Variants in OTOG observed in about 807,000 individuals in gnomAD.
OTOG encodes the protein otogelin.
Under a neutral mutation model 313.8 loss-of-function variants are expected in OTOG, and 296 were observed. The ratio of observed to expected loss-of-function variants is 0.94; its 90% confidence interval spans 0.86 to 1.04. The LOEUF is 1.04. OTOG is among the 50% of genes least tolerant of loss of function. The probability of loss-of-function intolerance (pLI) is 0.00; values close to 1 mark genes in which losing one functional copy is unlikely to be tolerated. For missense variants in OTOG, 3,948 were observed against 3,840.1 expected (o/e 1.03, Z -0.74); for synonymous variants, 1,533 against 1,554.9 (o/e 0.99, Z 0.33).
intron 47 of OTOG, 26 bp downstream of exon 47, chr11:17,635,737 G>A (rs1854249906): frequency 6.5e-7 from 1 of 1,532,212 alleles, no homozygotes; most frequent in Non-Finnish European, 8.8e-7. Flanking sequence ...GCACATGGCG[G>A]GCTGCGGCAG....
At chr11:17,599,259 G>T (rs1853186599) in intron 30 of OTOG, among the ~76,000 whole-genome samples, 1 of 152,152 alleles carries the variant, frequency 6.6e-6, no homozygotes, top group Middle Eastern at 3.2e-3. Flanking sequence ...CCCACCGAAG[G>T]CTCTTGGAAG....
At chr11:17,630,903 C>T (rs1398034979) in intron 40 of OTOG, among the ~76,000 whole-genome samples, 2 of 152,198 alleles carry the variant, frequency 1.3e-5, no homozygotes, top group African/African-American at 4.8e-5. Context: ...CCCTTGCCCC[C>T]ATCTCAGTGC....
At chr11:17,639,589 C>T in intron 49 of OTOG, 126 bp downstream of exon 49, 1 of 980,738 alleles carries the variant, frequency 1.0e-6, no homozygotes, top group East Asian at 2.6e-5. Flanking sequence ...AGTCAGCATT[C>T]TTTTCCCAAG....
chr11:17,557,942 CCT>C (rs909930355), intron 8 of OTOG, among the ~76,000 whole-genome samples: 2 of 152,124 alleles, frequency 1.3e-5, no homozygotes, highest in African/African-American at 2.4e-5. Flanking sequence ...TGCTGCATCC[CCT>C]GAGTTTGGAG....
In OTOG at chr11:17,557,288, A is replaced by G; in HGVS notation, c.830A>G (p.Asn277Ser). The G allele has an allele frequency of 3.2e-6, 5 of 1,550,150 alleles. No homozygotes were observed. Among genetic ancestry groups the G allele is most frequent in the Non-Finnish European group, 2.6e-6 (3 of 1,146,790 alleles). ...GWTHGLCGNNNADPKDDLVTS... is the reference protein window; with the variant it reads ...GWTHGLCGNNSADPKDDLVTS... ...ACCCATGGGCTGTGTGGGAACAACA[A>G]TGCTGACCCCAAGGATGATCTGGTG... Residue 277 changes from asparagine to serine, a missense_variant, in exon 8 of 56, where the codon AAT becomes AGT. By Grantham distance (46) the Asn-to-Ser change is conservative. Coordinates refer to ENST00000399397, the MANE Select transcript of OTOG (RefSeq NM_001292063.2).
intron 17 of OTOG, among the ~76,000 whole-genome samples, chr11:17,571,648 G>T (rs1009625578): frequency 6.6e-6 from 1 of 152,108 alleles, no homozygotes; most frequent in Non-Finnish European, 1.5e-5. Flanking sequence ...TTCTTTTTCT[G>T]ACCTGAAGAG....
chr11:17,599,585 G>T (rs1853194810), intron 30 of OTOG, 86 bp from the exon 31 acceptor site: 1 of 1,450,092 alleles, frequency 6.9e-7, no homozygotes, highest in Admixed American at 2.0e-5. Context: ...GAAGAAGGGA[G>T]GCTGGGATGC....
At chr11:17,632,042 A>G in intron 41 of OTOG, 46 bp from the exon 42 acceptor site, 3 of 1,544,824 alleles carry the variant, frequency 1.9e-6, no homozygotes, top group Non-Finnish European at 1.8e-6. Context: ...GGGCACTGGG[A>G]TATGTGCCAT....
chr11:17,597,123 C>T, intron 30 of OTOG, 116 bp downstream of exon 30: 1 of 1,306,120 alleles, frequency 7.7e-7, no homozygotes, highest in Non-Finnish European at 1.0e-6. Flanking sequence ...GTACCAAGCA[C>T]CAACTGCTTT....
intron 36 of OTOG, 118 bp downstream of exon 36, chr11:17,611,541 C>G: frequency 8.8e-7 from 1 of 1,138,594 alleles, no homozygotes; most frequent in Non-Finnish European, 1.2e-6. Context: ...GCTCCTGGTC[C>G]CTGAAAAATT....
At chr11:17,645,719 T>C in intron 55 of OTOG, 25 bp from the exon 56 acceptor site, 1 of 1,550,762 alleles carries the variant, frequency 6.4e-7, no homozygotes, top group South Asian at 1.2e-5. Flanking sequence ...CACCACAGAC[T>C]GCCTCACTGG....
chr11:17,626,727 C>T (rs569615152), intron 39 of OTOG, among the ~76,000 whole-genome samples: 1 of 152,182 alleles, frequency 6.6e-6, no homozygotes, highest in African/African-American at 2.4e-5. Flanking sequence ...TACATTTTAA[C>T]AACATTGATT....
intron 24 of OTOG, 58 bp downstream of exon 24, chr11:17,586,639 G>A: frequency 1.2e-6 from 1 of 851,548 alleles, no homozygotes; most frequent in Non-Finnish European, 1.7e-6. Context: ...ATGGATATGG[G>A]TGCATAATCA....
At chr11:17,632,659 T>G (rs1377340732) in intron 42 of OTOG, among the ~76,000 whole-genome samples, 1 of 152,084 alleles carries the variant, frequency 6.6e-6, no homozygotes, top group Non-Finnish European at 1.5e-5. Flanking sequence ...TCCTTTTTGC[T>G]CACGTTTCTC....
intron 12 of OTOG, among the ~76,000 whole-genome samples, chr11:17,560,296 A>G (rs2134009159): frequency 6.6e-6 from 1 of 152,338 alleles, no homozygotes; most frequent in African/African-American, 2.4e-5. Flanking sequence ...TGACCAGTCT[A>G]AGGTATGATG....
chr11:17,551,248 G>A (rs1421156713), intron 3 of OTOG, among the ~76,000 whole-genome samples: 3 of 152,132 alleles, frequency 2.0e-5, no homozygotes, highest in African/African-American at 2.4e-5. Context: ...TAGACGTCTC[G>A]GACTGGAGTT....
Position 17,553,407 on chromosome 11 carries a change from G to T in OTOG, c.428G>T (p.Trp143Leu). Reference protein sequence around the residue: ...GPERDSICRAWGQHHVETFDG... With the variant: ...GPERDSICRALGQHHVETFDG... ...GAGAGGGACAGCATTTGCCGGGCGTGGGGGCAGCACCACGTGGAGACATTT... is the reference window on the plus strand; with the variant it reads ...GAGAGGGACAGCATTTGCCGGGCGTTGGGGCAGCACCACGTGGAGACATTT... Residue 143 changes from tryptophan to leucine, a missense_variant, in exon 6 of 56, where the codon TGG becomes TTG. By Grantham distance (61) the Trp-to-Leu change is moderately conservative. Coordinates refer to ENST00000399397, the MANE Select transcript of OTOG (RefSeq NM_001292063.2). The T allele has an allele frequency of 1.4e-6, 2 of 1,469,626 alleles. No homozygotes were observed. The highest frequency in any genetic ancestry group is 2.6e-5 in the Admixed American group (1 of 38,736). The allele number at this position is 1,469,626 out of a possible 1,614,324, so 91.0% of individuals were successfully genotyped here. A position where few individuals can be genotyped will look rare whatever the true frequency, so the allele number is the denominator to read the frequency against.
chr11:17,635,465 G>A (rs573033889), intron 46 of OTOG, 145 bp from the exon 47 acceptor site: 10 of 677,962 alleles, frequency 1.5e-5, no homozygotes, highest in Admixed American at 4.6e-5. Flanking sequence ...ATTCCAGAAC[G>A]GATCACGTGA....
intron 42 of OTOG, 31 bp from the exon 43 acceptor site, chr11:17,633,649 G>A: frequency 6.7e-7 from 1 of 1,489,764 alleles, no homozygotes; most frequent in Non-Finnish European, 9.0e-7. Context: ...TGGGGTCTGA[G>A]GTAGGCCTGG....
Sources: gnomAD v4.1 joint callset for allele counts (sites outside exome capture counted in the v4.1 genomes callset) on GRCh38, gnomAD v4.1.1 for gene constraint, MANE v1.5 for transcripts, NCBI Gene and HGNC (gene_info 2026-07-23, HGNC 2026-07-21) for gene names.